Variants in TNRC6A observed in about 807,000 individuals in gnomAD.
TNRC6A encodes the protein trinucleotide repeat containing adaptor 6A.
Under a neutral mutation model 221.2 loss-of-function variants are expected in TNRC6A, and 44 were observed. The observed-to-expected ratio is 0.20, with a 90% confidence interval of 0.16 to 0.26. The LOEUF (loss-of-function observed/expected upper bound fraction) is 0.26. Ranked by LOEUF, TNRC6A falls within the 10% of genes least tolerant of loss-of-function variation. TNRC6A has a pLI of 1.00. For missense variants in TNRC6A, 2,199 were observed against 2,404.4 expected (o/e 0.91, Z 1.79); for synonymous variants, 847 against 838.5 (o/e 1.01, Z -0.18).
chr16:24,762,852 G>A (rs1454833132), intron 4 of TNRC6A, among the ~76,000 whole-genome samples: 1 of 152,196 alleles, frequency 6.6e-6, no homozygotes, highest in African/African-American at 2.4e-5. Flanking sequence ...AAGACAAGAT[G>A]TGAAGGACAC....
Position 24,648,971 on chromosome 16 carries a change from G to A in TNRC6A, n.402+7962G>A, listed in dbSNP as rs576076898. On this transcript the variant is annotated intron_variant and non_coding_transcript_variant, in intron 2 of 2. Transcript: ENST00000566108. ...GGCACATCTTCCTACAGTTTCTTAA[G>A]CGTTTCCCTTTTTAAAATTGACAAG... is the stretch of plus-strand genomic sequence containing the variant. 9.2e-5 allele frequency among the ~76,000 whole-genome samples: 14 copies of A among 152,056 alleles called. No homozygotes were observed. In the South Asian group the frequency reaches 2.7e-3, roughly 29 times the overall value.
chr16:24,624,937 C>T (rs1900879142), intron 1 of TNRC6A, among the ~76,000 whole-genome samples: 1 of 152,142 alleles, frequency 6.6e-6, no homozygotes, highest in Non-Finnish European at 1.5e-5. Context: ...TTTTTCCACC[C>T]CAGAGCATAC....
At chr16:24,802,430 G>A (rs556829652) in intron 11 of TNRC6A, among the ~76,000 whole-genome samples, 1 of 152,202 alleles carries the variant, frequency 6.6e-6, no homozygotes, top group Admixed American at 6.5e-5. Context: ...ATACCTCTGG[G>A]CCCAGCTACT....
chr16:24,811,021 C>A (rs141756723), intron 18 of TNRC6A, among the ~76,000 whole-genome samples: 1 of 152,116 alleles, frequency 6.6e-6, no homozygotes, highest in Non-Finnish European at 1.5e-5. Flanking sequence ...AAATACAGGA[C>A]GGACCCGAGT....
intron 2 of TNRC6A, among the ~76,000 whole-genome samples, chr16:24,713,680 T>G (rs2056255548): frequency 6.6e-6 from 1 of 151,896 alleles, no homozygotes; most frequent in African/African-American, 2.4e-5. Flanking sequence ...AAAGTCTCAC[T>G]CTGTCACCCA....
intron 11 of TNRC6A, among the ~76,000 whole-genome samples, chr16:24,800,072 G>A (rs1402485545): frequency 6.6e-6 from 1 of 152,144 alleles, no homozygotes; most frequent in African/African-American, 2.4e-5. Context: ...TGTCCCTGTA[G>A]CAGTCTTCAT....
intron 18 of TNRC6A, among the ~76,000 whole-genome samples, chr16:24,810,190 G>T (rs759057762): frequency 1.2e-4 from 19 of 152,140 alleles, no homozygotes; most frequent in Admixed American, 2.0e-4. Context: ...AAGTCATATG[G>T]ATTTAACAGT....
At chr16:24,734,842 C>G (rs1459359672) in intron 2 of TNRC6A, among the ~76,000 whole-genome samples, 2 of 152,172 alleles carry the variant, frequency 1.3e-5, no homozygotes, top group Non-Finnish European at 2.9e-5. Context: ...GTTAACTTCA[C>G]GTTATACTGA....
At chr16:24,731,651 G>A (rs1459259041) in intron 2 of TNRC6A, among the ~76,000 whole-genome samples, 33 of 152,182 alleles carry the variant, frequency 2.2e-4, no homozygotes, top group Admixed American at 1.9e-3. Context: ...GAGCTTAGAG[G>A]TCTGTTTCTC....
chr16:24,809,743 A>G (rs1276591898), intron 18 of TNRC6A, among the ~76,000 whole-genome samples: 1 of 152,122 alleles, frequency 6.6e-6, no homozygotes, highest in Non-Finnish European at 1.5e-5. Flanking sequence ...GGCTTTTTAC[A>G]TTTTTCTAAG....
chr16:24,817,029 CTACTCTGGGCGACTGAGCCCAGGG>C lies in TNRC6A; in HGVS notation c.4972+83_4972+106del, dbSNP rs544887341. On this transcript the variant is annotated intron_variant, in intron 20 of 24. Coordinates refer to ENST00000395799, the MANE Select transcript of TNRC6A (RefSeq NM_014494.4). Reference sequence around the variant, plus strand: ...TAAGAATGGCTCATGTAGTACCCAGCTACTCTGGGCGACTGAGCCCAGGGTACTCTGGGATCACTTGAGCCCAGG... The same window carrying C: ...TAAGAATGGCTCATGTAGTACCCAGCTACTCTGGGATCACTTGAGCCCAGG... 2.8e-4 allele frequency: 403 copies of C among 1,459,446 alleles called. 5 individuals carry two copies. The South Asian group carries it at 5.4e-3, about 19-fold the overall frequency. The allele number at this position is 1,459,446 out of a possible 1,614,324, so 90.4% of individuals were successfully genotyped here. A position where few individuals can be genotyped will look rare whatever the true frequency, so the allele number is the denominator to read the frequency against.
intron 19 of TNRC6A, 161 bp from the exon 20 acceptor site, chr16:24,816,655 A>C: frequency 1.2e-6 from 1 of 824,298 alleles, no homozygotes; most frequent in Admixed American, 3.3e-5. Flanking sequence ...TAGCTTCTAT[A>C]ATACTAATTG....
chr16:24,656,624 C>A (rs1236498390), intron 2 of TNRC6A, among the ~76,000 whole-genome samples: 1 of 151,922 alleles, frequency 6.6e-6, no homozygotes, highest in Non-Finnish European at 1.5e-5. Flanking sequence ...CTGTTAAAAA[C>A]AAACTATAAA....
intron 18 of TNRC6A, among the ~76,000 whole-genome samples, chr16:24,810,021 C>T (rs1217642586): frequency 6.6e-6 from 1 of 152,180 alleles, no homozygotes; most frequent in Non-Finnish European, 1.5e-5. Context: ...TCATGCTGGC[C>T]AGGCTGGTCT....
At chr16:24,686,564 C>T (rs1237095677) in intron 2 of TNRC6A, among the ~76,000 whole-genome samples, 2 of 152,148 alleles carry the variant, frequency 1.3e-5, no homozygotes, top group African/African-American at 4.8e-5. Flanking sequence ...CTCATTCTTT[C>T]TTTCATTTGT....
chr16:24,813,622 T>C (rs2058593791), intron 18 of TNRC6A, among the ~76,000 whole-genome samples: 1 of 152,218 alleles, frequency 6.6e-6, no homozygotes, highest in Admixed American at 6.5e-5. Context: ...CAGCAGATCA[T>C]AGCCATCATT....
chr16:24,822,870 C>G lies in TNRC6A; in HGVS notation c.5374-4C>G. The G allele has an allele frequency of 6.2e-7, 1 of 1,613,176 alleles. No individual in the cohort carries two copies. The highest frequency in any genetic ancestry group is 8.5e-7 in the Non-Finnish European group (1 of 1,179,952). On this transcript the variant is annotated splice_polypyrimidine_tract_variant and splice_region_variant and intron_variant, in intron 23 of 24. Transcript: ENST00000395799. ...TCACTGGCAGTTTCCACACTGTTTC[C>G]TAGATCGATGGCTCAACTCTGCGCA... is the stretch of plus-strand genomic sequence containing the variant.
At chr16:24,613,430 T>A (rs1341659552) in intron 1 of TNRC6A, among the ~76,000 whole-genome samples, 1 of 151,108 alleles carries the variant, frequency 6.6e-6, no homozygotes, top group Non-Finnish European at 1.5e-5. Context: ...AATGAGCAAC[T>A]ATTAAAGCAT....
intron 2 of TNRC6A, among the ~76,000 whole-genome samples, chr16:24,737,384 TA>T (rs2056794043): frequency 6.6e-6 from 1 of 152,186 alleles, no homozygotes; most frequent in Non-Finnish European, 1.5e-5. Flanking sequence ...CCCATGAAAA[TA>T]AATATAGTTT....
Sources: gnomAD v4.1 joint callset for allele counts (sites outside exome capture counted in the v4.1 genomes callset) on GRCh38, gnomAD v4.1.1 for gene constraint, MANE v1.5 for transcripts, NCBI Gene and HGNC (gene_info 2026-07-23, HGNC 2026-07-21) for gene names.